SAFB2: variants seen among roughly 807,000 people sequenced by gnomAD.
SAFB2 encodes scaffold attachment factor B2.
In SAFB2, 32 loss-of-function variants were observed where a neutral mutation model predicts 100.6. That is an observed-to-expected ratio of 0.32 (90% CI 0.24 to 0.43). SAFB2 has a LOEUF of 0.43. Among genes scored for constraint, SAFB2 ranks in the 20% least tolerant of loss-of-function variants. The pLI, the probability that SAFB2 is intolerant of heterozygous loss-of-function variation, is 1.00. For missense variants in SAFB2, 1,185 were observed against 1,163.4 expected, an observed-to-expected ratio of 1.02 and a Z score of -0.27; for synonymous variants, 500 against 439.4, an observed-to-expected ratio of 1.14 and a Z score of -1.72.
intron 8 of SAFB2, 70 bp downstream of exon 8, chr19:5,610,569 A>G (rs1271581969): frequency 1.2e-5 from 13 of 1,110,674 alleles, no homozygotes; most frequent in Non-Finnish European, 1.7e-5. Flanking sequence ...AAGTGTGTAT[A>G]TCTCCAGGCC....
intron 18 of SAFB2, among the ~76,000 whole-genome samples, 183 bp from the exon 19 acceptor site, chr19:5,588,163 G>A (rs934066986): frequency 6.6e-6 from 1 of 152,160 alleles, no homozygotes; most frequent in African/African-American, 2.4e-5. Flanking sequence ...GTAAGCACGT[G>A]AGAAGGTGCT....
intron 4 of SAFB2, 123 bp downstream of exon 4, chr19:5,616,009 G>A (rs2053020077): frequency 3.6e-6 from 3 of 828,360 alleles, no homozygotes; most frequent in African/African-American, 3.4e-5. Context: ...TTAACACCAG[G>A]GTGTAGAAGC....
rs748597528 is a variant in SAFB2, at chr19:5,622,530, C to G, written c.186G>C (p.Lys62Asn). 2 of 1,608,274 alleles carry G rather than the reference C, an allele frequency of 1.2e-6. No homozygotes were observed. The highest frequency in any genetic ancestry group is 2.2e-5 in the South Asian group (2 of 90,696). Reference protein sequence around the residue: ...NKSVLMERLKKAVKEEGQDPD... With the variant: ...NKSVLMERLKNAVKEEGQDPD... ...ACCCCCGAGCCCCGCGCCGCCTCAC[C>G]TTCTTGAGCCGCTCCATCAGGACGC... Residue 62 changes from lysine to asparagine, a missense_variant and splice_region_variant, in exon 1 of 21, where the codon AAG becomes AAC. Transcript: ENST00000252542.
In SAFB2 at chr19:5,618,794, C is replaced by T. The variant is rs191290814; in HGVS notation, c.275-2308G>A. Among the ~76,000 whole-genome samples, 190 of 152,342 alleles carry T rather than the reference C, an allele frequency of 1.2e-3. 1 individual carries two copies. Among genetic ancestry groups the T allele is most frequent in the African/African-American group, 4.3e-3 (179 of 41,578 alleles). ...CGCAGACAGGCGACGCCCCAATCCC[C>T]GGCACCTGGCATTGGCCAACGAAAA... On this transcript the variant is annotated intron_variant, in intron 2 of 20. Coordinates refer to ENST00000252542, the MANE Select transcript of SAFB2 (RefSeq NM_014649.3).
chr19:5,589,476 C>T (rs375431925), intron 18 of SAFB2, among the ~76,000 whole-genome samples: 21 of 152,090 alleles, frequency 1.4e-4, no homozygotes, highest in African/African-American at 4.1e-4. Flanking sequence ...CACCCTGTGG[C>T]GCTGGGCAGG....
chr19:5,622,507 C>G (rs765065923), intron 1 of SAFB2, 23 bp downstream of exon 1: 2 of 1,569,412 alleles, frequency 1.3e-6, no homozygotes, highest in Non-Finnish European at 1.7e-6. Context: ...CCTGCGCCAC[C>G]CCCGAGCCCC....
intron 16 of SAFB2, 149 bp from the exon 17 acceptor site, chr19:5,591,942 A>C: frequency 5.5e-6 from 4 of 730,466 alleles, no homozygotes; most frequent in East Asian, 2.8e-5. Flanking sequence ...GCTAGCTCAA[A>C]TCGAAAGGCT....
At chr19:5,589,419 C>A (rs1229068192) in intron 18 of SAFB2, among the ~76,000 whole-genome samples, 1 of 152,038 alleles carries the variant, frequency 6.6e-6, no homozygotes, top group Non-Finnish European at 1.5e-5. Context: ...AAGTGCCTCT[C>A]AGCGCGGAGG....
In SAFB2 at chr19:5,611,260, TGCGAGCTCCTCGCTAGAGGCCTCC is replaced by T; in HGVS notation, c.981_1004del (p.Ser330_Ala337del). ...GGCTTGGGGCTTCCGTGGGTGCTTCTGCGAGCTCCTCGCTAGAGGCCTCCGCGAGCTCGGAGGCCGCACTACTCT... is the reference window on the plus strand; with the variant it reads ...GGCTTGGGGCTTCCGTGGGTGCTTCTGCGAGCTCGGAGGCCGCACTACTCT... On this transcript the variant is annotated inframe_deletion, in exon 7 of 21. Transcript: ENST00000252542. 2.5e-6 allele frequency: 1 copy of T among 393,246 alleles called. No individual in the cohort carries two copies. Among genetic ancestry groups the T allele is most frequent in the Non-Finnish European group, 4.1e-6 (1 of 243,072 alleles). 24.4% of individuals were successfully genotyped at this position (393,246 alleles called of 1,614,324 possible).
At position 5,587,311 on chromosome 19, in the gene SAFB2, G is replaced by A. The variant is rs760276209; in HGVS notation, c.2794C>T (p.Arg932Trp). The change falls in exon 21 of 21, where the codon CGG becomes TGG. Residue 932 changes from arginine (R) to tryptophan (W), a missense_variant. Arg to Trp is a moderately radical substitution (Grantham distance 101, BLOSUM62 -3). Transcript: ENST00000252542. The surrounding 1 kb of genome is among the most constrained non-coding windows in gnomAD (Gnocchi z 4.9). Reference sequence around the variant, plus strand: ...TGTGGGTGAGGGACTCTGCTGCCCCGGTCCTGGCTGGCCACTCCGCCACCT... The same window carrying A: ...TGTGGGTGAGGGACTCTGCTGCCCCAGTCCTGGCTGGCCACTCCGCCACCT... The part of the protein sequence containing the change: ...LEGGGVASQD[R>W]GSRVPHPHPH... 3.2e-5 allele frequency: 52 copies of A among 1,612,258 alleles called. No homozygotes were observed. The highest frequency in any genetic ancestry group is 5.3e-5 in the African/African-American group (4 of 74,864).
rs1238391471 is a variant in SAFB2, at chr19:5,601,438, C to T, written c.1560-1178G>A. Among the ~76,000 whole-genome samples, 6 of 152,208 alleles carry T rather than the reference C, an allele frequency of 3.9e-5. No individual in the cohort carries two copies. The East Asian group carries it at 9.6e-4, about 24-fold the overall frequency. On this transcript the variant is annotated intron_variant, in intron 11 of 20. Transcript: ENST00000252542. Reference sequence around the variant, plus strand: ...TAAAGAAGGGTTTTTAGGCTGGTCGCGGTGGCTCATGCCTGTAATCCCAGC... The same window carrying T: ...TAAAGAAGGGTTTTTAGGCTGGTCGTGGTGGCTCATGCCTGTAATCCCAGC...
At chr19:5,590,767 G>A (rs1390351467) in intron 17 of SAFB2, among the ~76,000 whole-genome samples, 2 of 151,064 alleles carry the variant, frequency 1.3e-5, no homozygotes, top group Non-Finnish European at 2.9e-5. Context: ...GCCCTCGGGT[G>A]GGTCAGCCCC....
chr19:5,621,517 G>A, intron 1 of SAFB2, 121 bp from the exon 2 acceptor site: 1 of 734,528 alleles, frequency 1.4e-6, no homozygotes, highest in Admixed American at 1.9e-5. Context: ...GCAACTCCGG[G>A]TCAGCTATCT....
At position 5,594,062 on chromosome 19, in the gene SAFB2, C is replaced by G. The variant is rs764134146; in HGVS notation, c.2036G>C (p.Arg679Pro). ...CAGCCGCTCCCGCTCCATGCGCTCC[C>G]GCTCCAGCCGCTGGCGCTGGCACTC... ...QLECQRQRLE[R>P]ERMERERLER... Residue 679 changes from arginine to proline, a missense_variant, in exon 15 of 21, where the codon CGG becomes CCG. Physicochemically the swap from Arg to Pro is moderately radical, Grantham distance 103. This residue lies in a region of SAFB2 where 740 missense variants were observed against 687.1 expected (regional missense o/e 1.08). Coordinates refer to ENST00000252542, the MANE Select transcript of SAFB2 (RefSeq NM_014649.3). 1 of 1,589,442 alleles carries G rather than the reference C, an allele frequency of 6.3e-7. No individual in the cohort carries two copies. The highest frequency in any genetic ancestry group is 8.5e-7 in the Non-Finnish European group (1 of 1,173,482).
intron 9 of SAFB2, among the ~76,000 whole-genome samples, chr19:5,607,926 G>A (rs1229917148): frequency 1.3e-5 from 2 of 152,226 alleles, no homozygotes; most frequent in Non-Finnish European, 2.9e-5. Context: ...ACTCTCCTGA[G>A]AGAAACACAG....
intron 13 of SAFB2, among the ~76,000 whole-genome samples, chr19:5,597,274 C>T (rs777025577): frequency 1.3e-5 from 2 of 152,054 alleles, no homozygotes; most frequent in African/African-American, 2.4e-5. Flanking sequence ...AAAATTTAAA[C>T]GTTAAAAGAG....
intron 9 of SAFB2, among the ~76,000 whole-genome samples, chr19:5,608,977 G>A (rs996227517): frequency 1.3e-5 from 2 of 149,754 alleles, no homozygotes; most frequent in Non-Finnish European, 3.0e-5. Flanking sequence ...GAACCTGGGA[G>A]GGAGGCGGAG....
At position 5,616,495 on chromosome 19, in the gene SAFB2, A is replaced by G; in HGVS notation, c.275-9T>C. ...CTCCTCCATCTTCAGTCCTAATTAC[A>G]GAATAATTGTTCAATCAGATAACAC... On this transcript the variant is annotated splice_polypyrimidine_tract_variant and intron_variant, in intron 2 of 20. Transcript: ENST00000252542. The G allele has an allele frequency of 1.2e-6, 2 of 1,611,276 alleles. No individual in the cohort carries two copies.
intron 14 of SAFB2, 60 bp from the exon 15 acceptor site, chr19:5,594,238 G>A: frequency 2.0e-6 from 3 of 1,481,220 alleles, no homozygotes; most frequent in Non-Finnish European, 1.8e-6. Context: ...GAGAAAGCCC[G>A]GTGCCCAAAA....
Sources: allele counts gnomAD v4.1 joint callset (sites outside exome capture counted in the v4.1 genomes callset), GRCh38; gene constraint gnomAD v4.1.1; regional missense constraint gnomAD v4.1.1; non-coding constraint Gnocchi (gnomAD v3.1); transcripts MANE v1.5; gene names NCBI Gene and HGNC (gene_info 2026-07-23, HGNC 2026-07-21).